The following PLPPR5 variants were observed in gnomAD, a reference collection of about 807,000 sequenced individuals.
PLPPR5 encodes phospholipid phosphatase related 5.
PLPPR5 carries 16 observed loss-of-function variants against 33.9 expected under a neutral mutation model. That is an observed-to-expected ratio of 0.47 (90% CI 0.32 to 0.72). PLPPR5 has a LOEUF of 0.72. Among genes scored for constraint, PLPPR5 ranks in the 30% least tolerant of loss-of-function variants. The pLI is 0.03. For missense variants in PLPPR5, 301 were observed against 406.7 expected, an observed-to-expected ratio of 0.74 and a Z score of 2.23; for synonymous variants, 163 against 150.3, an observed-to-expected ratio of 1.08 and a Z score of -0.62.
intron 1 of PLPPR5, among the ~76,000 whole-genome samples, chr1:98,959,273 C>G (rs1327617590): frequency 6.6e-6 from 1 of 152,154 alleles, no homozygotes. Flanking sequence ...TTTCCCGGGG[C>G]TCTCTTCCCA....
At chr1:98,958,621 G>T (rs1380839302) in intron 1 of PLPPR5, among the ~76,000 whole-genome samples, 1 of 152,136 alleles carries the variant, frequency 6.6e-6, no homozygotes. Context: ...GGATGCACAA[G>T]AATTATTTTT....
chr1:99,002,717 T>C (rs540071321), intron 1 of PLPPR5, among the ~76,000 whole-genome samples: 16 of 152,172 alleles, frequency 1.1e-4, no homozygotes, highest in African/African-American at 3.4e-4. Context: ...GCCACCATGA[T>C]TGGATGGTTA....
intron 1 of PLPPR5, among the ~76,000 whole-genome samples, chr1:98,963,360 T>C (rs1651315482): frequency 6.6e-6 from 1 of 152,252 alleles, no homozygotes; most frequent in Admixed American, 6.5e-5. Flanking sequence ...ATCTGTGTCT[T>C]CCACTCAGTT....
chr1:99,002,925 C>G (rs1652907375), intron 1 of PLPPR5, among the ~76,000 whole-genome samples: 1 of 150,386 alleles, frequency 6.6e-6, no homozygotes, highest in Non-Finnish European at 1.5e-5. Flanking sequence ...ACCCCGATCT[C>G]CAGAAAGTAA....
Position 98,893,113 on chromosome 1 carries a change from A to T in PLPPR5, c.934-9T>A, listed in dbSNP as rs376208312. ...AAGGCAGTGATGTGGTTCTGCAAAA[A>T]GAAAAAGGAATGACAAAGTGAGAGG... On this transcript the variant is annotated splice_polypyrimidine_tract_variant and intron_variant, in intron 5 of 5. Coordinates refer to ENST00000263177, the MANE Select transcript of PLPPR5 (RefSeq NM_001037317.2). 6.2e-7 allele frequency: 1 copy of T among 1,610,390 alleles called. No homozygotes were observed. The highest frequency in any genetic ancestry group is 8.5e-7 in the Non-Finnish European group (1 of 1,177,976).
chr1:98,999,674 G>A (rs1234722259), intron 1 of PLPPR5, among the ~76,000 whole-genome samples: 1 of 152,234 alleles, frequency 6.6e-6, no homozygotes, highest in Non-Finnish European at 1.5e-5. Flanking sequence ...TGGGGGAAAA[G>A]AGGTCTATGG....
chr1:98,946,787 C>A (rs986113116), intron 3 of PLPPR5, among the ~76,000 whole-genome samples: 5 of 152,124 alleles, frequency 3.3e-5, no homozygotes. Flanking sequence ...AAGCACAGTA[C>A]CTAGGGCCCA....
chr1:98,961,272 T>C (rs974725775), intron 1 of PLPPR5, among the ~76,000 whole-genome samples: 1 of 152,180 alleles, frequency 6.6e-6, no homozygotes, highest in African/African-American at 2.4e-5. Context: ...AAAGATAGGG[T>C]GCAATCCTTA....
In PLPPR5 at chr1:98,994,037, T is replaced by C. The variant is rs185947890; in HGVS notation, c.237+10398A>G. On this transcript the variant is annotated intron_variant, in intron 1 of 5. Transcript: ENST00000263177. Reference sequence around the variant, plus strand: ...AAGTATTTTATTTCCACATATTTCTTTGAAAGATTTGAAGGAGTGGTGGGG... The same window carrying C: ...AAGTATTTTATTTCCACATATTTCTCTGAAAGATTTGAAGGAGTGGTGGGG... Among the ~76,000 whole-genome samples, 3 of 152,232 alleles carry C rather than the reference T, an allele frequency of 2.0e-5. 1 individual carries two copies. The highest frequency in any genetic ancestry group is 2.0e-4 in the Admixed American group (3 of 15,252).
chr1:98,906,248 A>G (rs1204280958), intron 5 of PLPPR5, among the ~76,000 whole-genome samples: 1 of 151,318 alleles, frequency 6.6e-6, no homozygotes, highest in Non-Finnish European at 1.5e-5. Context: ...GTGTGTGTAT[A>G]TATACTAGGT....
At chr1:99,001,211 T>A (rs1053652463) in intron 1 of PLPPR5, among the ~76,000 whole-genome samples, 1 of 150,608 alleles carries the variant, frequency 6.6e-6, no homozygotes, top group African/African-American at 2.4e-5. Flanking sequence ...CTCTGCTCAC[T>A]GCAAGCTCCA....
At chr1:99,003,963 C>T (rs1228850981) in intron 1 of PLPPR5, among the ~76,000 whole-genome samples, 1 of 152,220 alleles carries the variant, frequency 6.6e-6, no homozygotes, top group Non-Finnish European at 1.5e-5. Flanking sequence ...GAAATACGTG[C>T]CCCGACTCGG....
chr1:98,953,363 G>GTA, intron 2 of PLPPR5, 43 bp from the exon 3 acceptor site: 1 of 1,113,054 alleles, frequency 9.0e-7, no homozygotes, highest in South Asian at 1.6e-5. Context: ...GCTTGTGTGT[G>GTA]TGTGTGTGTG....
At chr1:98,968,961 C>T (rs755267374) in intron 1 of PLPPR5, among the ~76,000 whole-genome samples, 1 of 151,930 alleles carries the variant, frequency 6.6e-6, no homozygotes, top group African/African-American at 2.4e-5. Flanking sequence ...GAAGAAAGGC[C>T]GAGTAGCTTA....
intron 1 of PLPPR5, among the ~76,000 whole-genome samples, chr1:98,977,512 A>G (rs138521863): frequency 2.0e-3 from 303 of 149,328 alleles, no homozygotes; most frequent in African/African-American, 7.1e-3. Flanking sequence ...TTTTCTTATT[A>G]TGACTATTTG....
chr1:99,005,434 G>A (rs1428769904), upstream of PLPPR5, among the ~76,000 whole-genome samples: 2 of 152,108 alleles, frequency 1.3e-5, no homozygotes, highest in Non-Finnish European at 2.9e-5. Context: ...ATCTCAGCGA[G>A]GTTTCTTTGC....
At chr1:99,001,782 G>A (rs926918015) in intron 1 of PLPPR5, among the ~76,000 whole-genome samples, 6 of 149,060 alleles carry the variant, frequency 4.0e-5, no homozygotes, top group Non-Finnish European at 7.4e-5. Context: ...ATTCATGAGC[G>A]AATTGAATTT....
chr1:98,938,123 T>C (rs1382786810), intron 3 of PLPPR5, among the ~76,000 whole-genome samples: 1 of 151,846 alleles, frequency 6.6e-6, no homozygotes, highest in Non-Finnish European at 1.5e-5. Context: ...TGGTGATGCA[T>C]TTAAACAGTA....
chr1:98,983,227 T>C lies in PLPPR5; in HGVS notation c.237+21208A>G, dbSNP rs1557692965. Among the ~76,000 whole-genome samples, 15 of 113,342 alleles carry C rather than the reference T, an allele frequency of 1.3e-4. No individual in the cohort carries two copies. The South Asian group carries it at 4.8e-3, about 37-fold the overall frequency. 74.4% of individuals were successfully genotyped at this position (113,342 alleles called of 152,430 possible). On this transcript the variant is annotated intron_variant, in intron 1 of 5. Coordinates refer to ENST00000263177, the MANE Select transcript of PLPPR5 (RefSeq NM_001037317.2). Reference sequence around the variant, plus strand: ...GCATTAGGTATATCTCCCAATGCTATCCCTCCCCCCTCCCCCCACCCCACA... The same window carrying C: ...GCATTAGGTATATCTCCCAATGCTACCCCTCCCCCCTCCCCCCACCCCACA...
Sources: gnomAD v4.1 joint callset for allele counts (sites outside exome capture counted in the v4.1 genomes callset) on GRCh38, gnomAD v4.1.1 for gene constraint, MANE v1.5 for transcripts, NCBI Gene and HGNC (gene_info 2026-07-23, HGNC 2026-07-21) for gene names.